The following PGM2 variants were observed in gnomAD, a reference collection of about 807,000 sequenced individuals.
PGM2 encodes phosphoglucomutase 2.
In PGM2, 57 loss-of-function variants were observed where a neutral mutation model predicts 74.6. The observed-to-expected ratio is 0.76, with a 90% CI of 0.62 to 0.95. PGM2 has a LOEUF of 0.95. PGM2 is among the 40% of genes least tolerant of loss of function. The pLI is 0.00. For synonymous variants in PGM2, 273 were observed against 260.7 expected, an observed-to-expected ratio of 1.05 and a Z score of -0.46; for missense variants, 706 against 741.9, an observed-to-expected ratio of 0.95 and a Z score of 0.56.
At chr4:37,857,682 G>C (rs140117360) in intron 13 of PGM2, among the ~76,000 whole-genome samples, 27 of 152,200 alleles carry the variant, frequency 1.8e-4, no homozygotes, top group African/African-American at 5.8e-4. Flanking sequence ...AGAAGTCATG[G>C]GACTATGTAA....
intron 1 of PGM2, among the ~76,000 whole-genome samples, chr4:37,827,368 C>T (rs1219471361): frequency 1.3e-5 from 2 of 152,218 alleles, no homozygotes; most frequent in African/African-American, 4.8e-5. Flanking sequence ...GCCAGGGAGG[C>T]ACACCTGGGA....
At chr4:37,840,759 T>G (rs561135348) in intron 6 of PGM2, among the ~76,000 whole-genome samples, 1 of 152,266 alleles carries the variant, frequency 6.6e-6, no homozygotes, top group South Asian at 2.1e-4. Context: ...GTAAATATTT[T>G]TGGCTTTGAG....
chr4:37,841,071 CGTATAT>C (rs761337412), intron 6 of PGM2, among the ~76,000 whole-genome samples: 1 of 25,430 alleles, frequency 3.9e-5, no homozygotes, highest in Non-Finnish European at 7.5e-5. Flanking sequence ...CATATGCAAG[CGTATAT>C]ATATATATAT....
chr4:37,832,225 G>A lies in PGM2; in HGVS notation c.249+2094G>A, dbSNP rs1725459789. On this transcript the variant is annotated intron_variant, in intron 2 of 13. Coordinates refer to ENST00000381967, the MANE Select transcript of PGM2 (RefSeq NM_018290.4). The stretch of plus-strand genomic sequence containing the variant: ...GATACTTGTAATAGGAGACAGAGAT[G>A]TGAAGAGTTAAGAAAGTTTTATCTG... Among the ~76,000 whole-genome samples, 4 of 152,228 alleles carry A rather than the reference G, an allele frequency of 2.6e-5. 1 individual carries two copies. In the South Asian group the frequency reaches 8.3e-4, roughly 31 times the overall value.
intron 3 of PGM2, among the ~76,000 whole-genome samples, chr4:37,835,930 G>C (rs1725556261): frequency 6.6e-6 from 1 of 152,240 alleles, no homozygotes; most frequent in Non-Finnish European, 1.5e-5. Context: ...GAATGATGTG[G>C]TATAAACCAG....
chr4:37,842,285 T>C (rs1200128111), intron 6 of PGM2, among the ~76,000 whole-genome samples: 1 of 151,276 alleles, frequency 6.6e-6, no homozygotes, highest in Non-Finnish European at 1.5e-5. Context: ...TTTAAAAATC[T>C]GTATAATATT....
intron 4 of PGM2, among the ~76,000 whole-genome samples, chr4:37,838,067 G>A (rs1181893972): frequency 1.3e-5 from 2 of 152,052 alleles, no homozygotes; most frequent in East Asian, 1.9e-4. Flanking sequence ...TTTTAGTAGC[G>A]ACGAGGTTTC....
intron 6 of PGM2, among the ~76,000 whole-genome samples, chr4:37,842,492 GA>G (rs1345644581): frequency 6.6e-6 from 1 of 150,728 alleles, no homozygotes; most frequent in Non-Finnish European, 1.5e-5. Flanking sequence ...TAGGAAAGCA[GA>G]TTAGATTTTT....
At chr4:37,857,559 T>G (rs923744786) in intron 13 of PGM2, among the ~76,000 whole-genome samples, 10 of 152,292 alleles carry the variant, frequency 6.6e-5, no homozygotes, top group Admixed American at 5.9e-4. Context: ...TCCATGAGTT[T>G]ATCATGAGGG....
At chr4:37,842,931 A>G (rs1304149145) in intron 6 of PGM2, among the ~76,000 whole-genome samples, 2 of 152,090 alleles carry the variant, frequency 1.3e-5, no homozygotes, top group Non-Finnish European at 2.9e-5. Context: ...CCAAAGTGCT[A>G]GGATTAGAGG....
intron 1 of PGM2, among the ~76,000 whole-genome samples, chr4:37,829,514 A>C (rs1725382424): frequency 6.6e-6 from 1 of 152,236 alleles, no homozygotes; most frequent in African/African-American, 2.4e-5. Context: ...ACATTTAATC[A>C]CAACTAAATG....
chr4:37,828,196 G>A (rs1725346236), intron 1 of PGM2, among the ~76,000 whole-genome samples: 1 of 152,056 alleles, frequency 6.6e-6, no homozygotes, highest in African/African-American at 2.4e-5. Flanking sequence ...TTCCATTTCT[G>A]ATAACTTGTA....
chr4:37,856,334 G>A (rs1055125708), intron 13 of PGM2, among the ~76,000 whole-genome samples: 15 of 152,108 alleles, frequency 9.9e-5, no homozygotes, highest in Admixed American at 6.6e-5. Flanking sequence ...GCAGTGAGCC[G>A]AGACTGCGCC....
intron 8 of PGM2, 129 bp from the exon 9 acceptor site, chr4:37,846,802 T>C: frequency 1.4e-6 from 1 of 703,904 alleles, no homozygotes; most frequent in South Asian, 2.0e-5. Flanking sequence ...AGATGATGAA[T>C]AACAAGAACA....
At chr4:37,845,560 C>G in intron 7 of PGM2, 73 bp from the exon 8 acceptor site, 1 of 1,025,354 alleles carries the variant, frequency 9.8e-7, no homozygotes, top group Non-Finnish European at 1.5e-6. Context: ...TCTTAAGGAA[C>G]TGAATGTTTT....
chr4:37,862,599 C>T lies in PGM2; in HGVS notation c.*987C>T, dbSNP rs1240534721. On this transcript the variant is annotated 3_prime_UTR_variant, in exon 14 of 14. Coordinates refer to ENST00000381967, the MANE Select transcript of PGM2 (RefSeq NM_018290.4). ...GTCTTACAGCCTTCCAAAATAACTC[C>T]AGTTGGGCACCCATGAGCTAGGATC... The T allele has an allele frequency of 6.6e-6, 1 of 152,048 alleles. No individual in the cohort carries two copies. Among genetic ancestry groups the T allele is most frequent in the Non-Finnish European group, 1.5e-5 (1 of 68,008 alleles). 9.4% of individuals were successfully genotyped at this position (152,048 alleles called of 1,614,324 possible).
At chr4:37,854,606 C>T (rs956498946) in intron 12 of PGM2, among the ~76,000 whole-genome samples, 5 of 151,988 alleles carry the variant, frequency 3.3e-5, no homozygotes, top group Admixed American at 1.3e-4. Flanking sequence ...CCTCCTCGGC[C>T]TCCCAAAGTG....
At chr4:37,833,370 A>G (rs28711289) in intron 2 of PGM2, among the ~76,000 whole-genome samples, 12,199 of 152,220 alleles carry the variant, frequency 0.08, 925 homozygotes, top group African/African-American at 0.18. Flanking sequence ...AGCCTGGGCA[A>G]TATGGCAAGA....
chr4:37,831,615 G>T (rs1725445988), intron 2 of PGM2, among the ~76,000 whole-genome samples: 1 of 152,142 alleles, frequency 6.6e-6, no homozygotes, highest in African/African-American at 2.4e-5. Context: ...CCTTCATGTG[G>T]CCTGGACTTC....
Sources: allele counts gnomAD v4.1 joint callset (sites outside exome capture counted in the v4.1 genomes callset), GRCh38; gene constraint gnomAD v4.1.1; transcripts MANE v1.5; gene names NCBI Gene and HGNC (gene_info 2026-07-23, HGNC 2026-07-21).